NPAS3: variants seen among roughly 807,000 people sequenced by gnomAD.
The protein encoded by NPAS3 is neuronal PAS domain protein 3.
Under a neutral mutation model 73.1 loss-of-function variants are expected in NPAS3, and 14 were observed. The observed-to-expected ratio is 0.19, with a 90% CI of 0.13 to 0.30. NPAS3 has a LOEUF of 0.30. Among genes scored for constraint, NPAS3 ranks in the 10% least tolerant of loss-of-function variants. The pLI is 1.00. For synonymous variants in NPAS3, 620 were observed against 541.5 expected (o/e 1.14, Z -2.01); for missense variants, 1,096 against 1,250.0 (o/e 0.88, Z 1.86).
rs570171149 is a variant in NPAS3, at chr14:33,770,764, G to A, written c.853-3573G>A. Among the ~76,000 whole-genome samples the A allele has an allele frequency of 3.1e-4, 47 of 152,260 alleles. No individual in the cohort carries two copies. The South Asian group carries it at 8.9e-3, about 29-fold the overall frequency. ...AAAATACAAAAATTAGCTGTGCATGGTGGTGCATGCCTGTAATCCCAGCAA... is the reference window on the plus strand; with the variant it reads ...AAAATACAAAAATTAGCTGTGCATGATGGTGCATGCCTGTAATCCCAGCAA... On this transcript the variant is annotated intron_variant, in intron 7 of 11. Transcript: ENST00000356141.
Position 33,681,219 on chromosome 14 carries a change from T to TA in NPAS3, c.733+4841dup, listed in dbSNP as rs941583415. Among the ~76,000 whole-genome samples, 33 of 152,126 alleles carry TA rather than the reference T, an allele frequency of 2.2e-4. 1 individual carries two copies. Among genetic ancestry groups the TA allele is most frequent in the African/African-American group, 7.0e-4 (29 of 41,430 alleles). On this transcript the variant is annotated intron_variant, in intron 6 of 11. Coordinates refer to ENST00000356141, the Ensembl canonical transcript of NPAS3. The stretch of plus-strand genomic sequence containing the variant: ...CTGAGGATCGGATCAATATTTTGTA[T>TA]AAAAAAACGGCTTGGATATGACATA...
chr14:33,121,251 T>C (rs1430943344), intron 2 of NPAS3, among the ~76,000 whole-genome samples: 15 of 152,144 alleles, frequency 9.9e-5, no homozygotes, highest in Non-Finnish European at 2.1e-4. Context: ...TATCCTTTTA[T>C]TTTTCACCTG....
At chr14:33,302,303 G>C (rs146559946) in intron 3 of NPAS3, among the ~76,000 whole-genome samples, 1 of 152,156 alleles carries the variant, frequency 6.6e-6, no homozygotes, top group African/African-American at 2.4e-5. Flanking sequence ...AAATCTCAGA[G>C]CACAGTGTTG....
At chr14:33,281,319 A>T (rs2041595964) in intron 3 of NPAS3, among the ~76,000 whole-genome samples, 1 of 152,176 alleles carries the variant, frequency 6.6e-6, no homozygotes, top group South Asian at 2.1e-4. Flanking sequence ...CAGATGATTT[A>T]GAAATAGATA....
At chr14:33,363,080 G>A (rs1367113167) in intron 3 of NPAS3, among the ~76,000 whole-genome samples, 1 of 152,154 alleles carries the variant, frequency 6.6e-6, no homozygotes, top group African/African-American at 2.4e-5. Context: ...TGTCCACCGA[G>A]CTGTCCTGCT....
Position 33,446,303 on chromosome 14 carries a change from G to GT in NPAS3, c.468+79036dup, listed in dbSNP as rs2049498964. 2.0e-5 allele frequency among the ~76,000 whole-genome samples: 3 copies of GT among 150,862 alleles called. No homozygotes were observed. In the South Asian group the frequency reaches 6.3e-4, roughly 32 times the overall value. On this transcript the variant is annotated intron_variant, in intron 4 of 11. Coordinates refer to ENST00000356141, the Ensembl canonical transcript of NPAS3. ...CCATTCTCCTGCCTCAGCCTCCCGAGTAGCTGGGACTACAGGCGCCCGCCA... is the reference window on the plus strand; with the variant it reads ...CCATTCTCCTGCCTCAGCCTCCCGAGTTAGCTGGGACTACAGGCGCCCGCCA...
At chr14:33,556,025 G>A (rs1046141177) in intron 4 of NPAS3, among the ~76,000 whole-genome samples, 2 of 151,868 alleles carry the variant, frequency 1.3e-5, no homozygotes, top group Non-Finnish European at 2.9e-5. Context: ...TCATGTAGAC[G>A]TAGACTCATT....
chr14:32,966,058 A>T (rs2037142426), intron 1 of NPAS3, among the ~76,000 whole-genome samples: 1 of 152,174 alleles, frequency 6.6e-6, no homozygotes, highest in Non-Finnish European at 1.5e-5. Context: ...AGAGGACACT[A>T]ACAAATGGAA....
intron 3 of NPAS3, among the ~76,000 whole-genome samples, chr14:33,272,403 G>A (rs897744777): frequency 2.6e-5 from 4 of 152,080 alleles, no homozygotes; most frequent in Non-Finnish European, 5.9e-5. Context: ...GATGAGAAAT[G>A]AATGTTTGCT....
intron 6 of NPAS3, among the ~76,000 whole-genome samples, chr14:33,707,483 A>C (rs1456443707): frequency 6.6e-6 from 1 of 152,216 alleles, no homozygotes; most frequent in Non-Finnish European, 1.5e-5. Context: ...TAGAATCAGC[A>C]TGAAGGCAGC....
chr14:33,723,563 C>G (rs955985988), intron 6 of NPAS3, among the ~76,000 whole-genome samples: 1 of 151,990 alleles, frequency 6.6e-6, no homozygotes, highest in African/African-American at 2.4e-5. Flanking sequence ...TCTTGGAAGC[C>G]ACTACTCTCT....
chr14:33,103,442 C>T (rs1286443229), intron 2 of NPAS3, among the ~76,000 whole-genome samples: 1 of 152,148 alleles, frequency 6.6e-6, no homozygotes, highest in Non-Finnish European at 1.5e-5. Context: ...TACTGCTGAG[C>T]TGAATTTATT....
At chr14:33,193,092 T>C (rs1460799137) in intron 2 of NPAS3, among the ~76,000 whole-genome samples, 1 of 152,344 alleles carries the variant, frequency 6.6e-6, no homozygotes, top group Non-Finnish European at 1.5e-5. Context: ...GTTGGTTTGC[T>C]ATCTCTTTTA....
intron 6 of NPAS3, among the ~76,000 whole-genome samples, chr14:33,689,180 A>G (rs1381598681): frequency 6.6e-6 from 1 of 152,232 alleles, no homozygotes; most frequent in Non-Finnish European, 1.5e-5. Flanking sequence ...GACCTTGAGC[A>G]AGTGAATTAA....
At chr14:33,534,111 G>A (rs892337753) in intron 4 of NPAS3, among the ~76,000 whole-genome samples, 5 of 151,516 alleles carry the variant, frequency 3.3e-5, no homozygotes, top group African/African-American at 7.3e-5. Context: ...TAATCTACAG[G>A]GAGAATTTAC....
At position 33,135,309 on chromosome 14, in the gene NPAS3, G is replaced by C. The variant is rs886522095; in HGVS notation, c.140+79315G>C. 7.9e-5 allele frequency among the ~76,000 whole-genome samples: 12 copies of C among 152,206 alleles called. No individual in the cohort carries two copies. In the South Asian group the frequency reaches 2.5e-3, roughly 32 times the overall value. Reference sequence around the variant, plus strand: ...TGAAGAGATGATGGTTGTGGTAGCTGGTAAGGTAGGGATTCAGAGTGGATT... The same window carrying C: ...TGAAGAGATGATGGTTGTGGTAGCTCGTAAGGTAGGGATTCAGAGTGGATT... On this transcript the variant is annotated intron_variant, in intron 2 of 11. Coordinates refer to ENST00000356141, the Ensembl canonical transcript of NPAS3.
At chr14:32,975,894 T>TGA (rs200270502) in intron 1 of NPAS3, among the ~76,000 whole-genome samples, 54,498 of 138,800 alleles carry the variant, frequency 0.39, 11,121 homozygotes, top group Non-Finnish European at 0.49. Flanking sequence ...TGTGTGTGTG[T>TGA]GTGAGAGAGA....
At chr14:33,377,854 T>G (rs1384147177) in intron 4 of NPAS3, among the ~76,000 whole-genome samples, 3 of 152,220 alleles carry the variant, frequency 2.0e-5, no homozygotes, top group African/African-American at 7.2e-5. Flanking sequence ...CTGAAAGTAC[T>G]AAGCTTCAGT....
chr14:32,947,606 A>T (rs2036314946), intron 1 of NPAS3, among the ~76,000 whole-genome samples: 1 of 152,140 alleles, frequency 6.6e-6, no homozygotes, highest in African/African-American at 2.4e-5. Flanking sequence ...TACACTGTTT[A>T]CAACATAAAT....
Sources: allele counts gnomAD v4.1 joint callset (sites outside exome capture counted in the v4.1 genomes callset), GRCh38; gene constraint gnomAD v4.1.1; transcripts MANE v1.5; gene names NCBI Gene and HGNC (gene_info 2026-07-23, HGNC 2026-07-21).